Variants in SLC44A5 observed in about 807,000 individuals in gnomAD.
The protein encoded by SLC44A5 is solute carrier family 44 member 5, also known as choline transporter-like protein 5.
Under a neutral mutation model 101.8 loss-of-function variants are expected in SLC44A5, and 57 were observed. The observed-to-expected ratio is 0.56, with a 90% confidence interval of 0.45 to 0.70. The LOEUF is 0.70. SLC44A5 is among the 30% of genes least tolerant of loss of function. SLC44A5 has a pLI of 0.00. For missense variants in SLC44A5, 737 were observed against 853.1 expected (o/e 0.86, Z 1.70); for synonymous variants, 281 against 290.9 (o/e 0.97, Z 0.35).
intron 3 of SLC44A5, among the ~76,000 whole-genome samples, chr1:75,360,667 A>C (rs2101112970): frequency 6.6e-6 from 1 of 152,256 alleles, no homozygotes; most frequent in South Asian, 2.1e-4. Flanking sequence ...CCATTGTTAA[A>C]CGTGTCTGTT....
intron 1 of SLC44A5, among the ~76,000 whole-genome samples, chr1:75,598,311 T>C (rs893583204): frequency 1.2e-4 from 19 of 152,192 alleles, no homozygotes; most frequent in Admixed American, 5.9e-4. Context: ...AAGGAACATT[T>C]ACACACCATT....
At chr1:75,703,149 C>T in the SLC44A5 span, among the ~76,000 whole-genome samples, 8 of 151,104 alleles carry the variant, frequency 5.3e-5, no homozygotes, top group Non-Finnish European at 1.2e-4. Context: ...ACCCAGCCAT[C>T]CCATTACTGG....
intron 4 of SLC44A5, 61 bp from the exon 5 acceptor site, chr1:75,300,746 C>CAGGAA: frequency 2.7e-6 from 3 of 1,099,270 alleles, no homozygotes; most frequent in Non-Finnish European, 3.8e-6. Flanking sequence ...CTGTTTCCTG[C>CAGGAA]ACAAAATGAA....
the SLC44A5 span, among the ~76,000 whole-genome samples, chr1:75,707,536 T>C: frequency 1.3e-5 from 2 of 152,302 alleles, no homozygotes; most frequent in Non-Finnish European, 2.9e-5. Context: ...CTTCAGCTAT[T>C]CTCCCCCAGG....
chr1:75,715,853 G>A, the SLC44A5 span, among the ~76,000 whole-genome samples: 1 of 152,058 alleles, frequency 6.6e-6, no homozygotes, highest in African/African-American at 2.4e-5. Flanking sequence ...AACAAAGTAA[G>A]CAGACAAACT....
chr1:75,247,151 A>G (rs1171697272), intron 7 of SLC44A5, among the ~76,000 whole-genome samples: 1 of 152,054 alleles, frequency 6.6e-6, no homozygotes, highest in Admixed American at 6.6e-5. Context: ...GAACTAATCT[A>G]AAAAAGAGGT....
chr1:75,702,075 A>T, the SLC44A5 span, among the ~76,000 whole-genome samples: 3 of 152,302 alleles, frequency 2.0e-5, no homozygotes, highest in African/African-American at 7.2e-5. Flanking sequence ...GAAAATGGCC[A>T]TACTGCCCAA....
the SLC44A5 span, among the ~76,000 whole-genome samples, chr1:75,617,674 T>C: frequency 6.6e-6 from 1 of 152,246 alleles, no homozygotes; most frequent in Non-Finnish European, 1.5e-5. Flanking sequence ...AACATGTTTC[T>C]TTTAATAAGC....
chr1:75,458,899 T>C (rs932495163), intron 2 of SLC44A5, among the ~76,000 whole-genome samples: 3 of 152,140 alleles, frequency 2.0e-5, no homozygotes, highest in Non-Finnish European at 4.4e-5. Context: ...GAGTTTGTTT[T>C]TGAATATAAT....
Position 75,219,249 on chromosome 1 carries a change from G to A in SLC44A5, c.1266+8C>T, listed in dbSNP as rs375438110. 6.3e-6 allele frequency: 10 copies of A among 1,578,108 alleles called. No homozygotes were observed. Among genetic ancestry groups the A allele is most frequent in the Non-Finnish European group, 8.7e-6 (10 of 1,147,480 alleles). ...AAGTAAGTAAATGAAAGAGTTTCTT[G>A]TACTTACCTCTGGGTCACAGGTTTG... On this transcript the variant is annotated splice_region_variant and intron_variant, in intron 16 of 23. Coordinates refer to ENST00000370859, the MANE Select transcript of SLC44A5 (RefSeq NM_001130058.2).
intron 1 of SLC44A5, among the ~76,000 whole-genome samples, chr1:75,606,522 T>C (rs1287154542): frequency 6.6e-6 from 1 of 152,052 alleles, no homozygotes; most frequent in Non-Finnish European, 1.5e-5. Context: ...AAATCTTTTT[T>C]CAACTCCACA....
chr1:75,537,808 T>G (rs895926458), intron 2 of SLC44A5, among the ~76,000 whole-genome samples: 1 of 152,240 alleles, frequency 6.6e-6, no homozygotes, highest in African/African-American at 2.4e-5. Flanking sequence ...CATTCTTTTT[T>G]TTCATTTATT....
the SLC44A5 span, among the ~76,000 whole-genome samples, chr1:75,663,202 C>T: frequency 1.3e-5 from 2 of 152,022 alleles, no homozygotes; most frequent in Non-Finnish European, 2.9e-5. Context: ...AAATCTTAAC[C>T]CTCAATGTGA....
intron 1 of SLC44A5, among the ~76,000 whole-genome samples, chr1:75,571,167 A>C (rs1370737937): frequency 6.6e-6 from 1 of 152,152 alleles, no homozygotes; most frequent in Non-Finnish European, 1.5e-5. Flanking sequence ...AAAAATGTTG[A>C]CTCTGCAAAC....
chr1:75,369,310 T>G (rs1660073199), intron 3 of SLC44A5, among the ~76,000 whole-genome samples: 1 of 152,136 alleles, frequency 6.6e-6, no homozygotes, highest in African/African-American at 2.4e-5. Flanking sequence ...GAGCCACTGC[T>G]CCTGGCTTCT....
chr1:75,338,109 T>C (rs574773139), intron 4 of SLC44A5, among the ~76,000 whole-genome samples: 1 of 152,328 alleles, frequency 6.6e-6, no homozygotes, highest in South Asian at 2.1e-4. Context: ...TTTACAATGC[T>C]TTCCTCCATT....
intron 3 of SLC44A5, among the ~76,000 whole-genome samples, chr1:75,386,941 A>G (rs187819657): frequency 2.6e-5 from 4 of 151,810 alleles, no homozygotes; most frequent in Non-Finnish European, 2.9e-5. Context: ...ACAAACCTGA[A>G]AAAAACAAGC....
the SLC44A5 span, among the ~76,000 whole-genome samples, chr1:75,663,912 A>G: frequency 6.6e-6 from 1 of 152,290 alleles, no homozygotes; most frequent in Non-Finnish European, 1.5e-5. Context: ...ACCCTCGACA[A>G]AATACCAGCA....
chr1:75,457,142 C>T (rs978206139), intron 2 of SLC44A5, among the ~76,000 whole-genome samples: 9 of 152,082 alleles, frequency 5.9e-5, no homozygotes, highest in African/African-American at 2.2e-4. Context: ...TAGGAATATA[C>T]AAGGTTCTCA....
Sources: allele counts gnomAD v4.1 joint callset (sites outside exome capture counted in the v4.1 genomes callset), GRCh38; gene constraint gnomAD v4.1.1; transcripts MANE v1.5; gene names NCBI Gene and HGNC (gene_info 2026-07-23, HGNC 2026-07-21).